Variants in MYO16 observed in about 807,000 individuals in gnomAD.
MYO16 encodes the protein myosin XVI, also known as unconventional myosin-XVI.
A neutral mutation model predicts 205.3 loss-of-function variants in MYO16; 94 were observed. The ratio of observed to expected loss-of-function variants is 0.46; its 90% confidence interval spans 0.39 to 0.54. The LOEUF (loss-of-function observed/expected upper bound fraction) is 0.54. MYO16 is among the 20% of genes least tolerant of loss of function. The probability of loss-of-function intolerance (pLI) is 0.00; values close to 1 mark genes in which losing one functional copy is unlikely to be tolerated. For missense variants in MYO16, 2,315 were observed against 2,387.5 expected, an observed-to-expected ratio of 0.97 and a Z score of 0.63; for synonymous variants, 988 against 954.0, an observed-to-expected ratio of 1.04 and a Z score of -0.66.
chr13:109,071,351 T>C (rs1887920559), intron 27 of MYO16, among the ~76,000 whole-genome samples: 1 of 152,176 alleles, frequency 6.6e-6, no homozygotes, highest in Non-Finnish European at 1.5e-5. Context: ...ACAATGAAAT[T>C]TGCAGAAGAA....
chr13:108,596,323 T>C (rs568729523), intron 1 of MYO16: 1 of 152,330 alleles, frequency 6.6e-6, no homozygotes, highest in African/African-American at 2.4e-5. Context: ...TTTCCACAAG[T>C]GAATTTCAGT....
chr13:108,497,790 G>T, the MYO16 span, among the ~76,000 whole-genome samples: 2 of 152,184 alleles, frequency 1.3e-5, no homozygotes, highest in African/African-American at 4.8e-5. Flanking sequence ...AGCCCCACCT[G>T]CTGCTGTGCT....
At chr13:108,596,048 T>C (rs1016915875), upstream of MYO16, 1 of 151,738 alleles carries the variant, frequency 6.6e-6, no homozygotes. Flanking sequence ...TGGAATGACT[T>C]TTTCTTTTTT....
At chr13:108,833,255 TA>T (rs5806759) in intron 9 of MYO16, among the ~76,000 whole-genome samples, 42 of 145,596 alleles carry the variant, frequency 2.9e-4, no homozygotes, top group Admixed American at 5.5e-4. Flanking sequence ...CTTTAAATTG[TA>T]AAAAAAAAAA....
At chr13:108,748,720 A>G (rs1212662624) in intron 4 of MYO16, among the ~76,000 whole-genome samples, 1 of 152,162 alleles carries the variant, frequency 6.6e-6, no homozygotes, top group Non-Finnish European at 1.5e-5. Flanking sequence ...AGCAATGCAA[A>G]AGAGAAAAAG....
At chr13:108,807,194 A>T (rs931277372) in intron 7 of MYO16, among the ~76,000 whole-genome samples, 2 of 152,230 alleles carry the variant, frequency 1.3e-5, no homozygotes, top group African/African-American at 4.8e-5. Context: ...GTTTTACACT[A>T]TATGGAGATT....
At chr13:108,601,771 T>A (rs867505432) in intron 1 of MYO16, among the ~76,000 whole-genome samples, 3 of 152,090 alleles carry the variant, frequency 2.0e-5, no homozygotes. Flanking sequence ...GGGTGAACAC[T>A]GCTGAGTGTT....
In MYO16 at chr13:108,695,576, A is replaced by G. The variant is rs540763548; in HGVS notation, c.293-17085A>G. Among the ~76,000 whole-genome samples the G allele has an allele frequency of 5.3e-5, 8 of 151,410 alleles. No individual in the cohort carries two copies. In the South Asian group the frequency reaches 1.5e-3, roughly 28 times the overall value. The stretch of plus-strand genomic sequence containing the variant: ...TCTGCAAAAAAAAAAAGTTTTGGGG[A>G]TTTCGATAGGGTGGATCATGGCTTT... On this transcript the variant is annotated intron_variant, in intron 2 of 34. Transcript: ENST00000457511.
At chr13:109,049,699 A>C (rs1887174852) in intron 24 of MYO16, among the ~76,000 whole-genome samples, 1 of 151,888 alleles carries the variant, frequency 6.6e-6, no homozygotes, top group Admixed American at 6.6e-5. Flanking sequence ...TTATACATAG[A>C]CCTGCTATAA....
chr13:108,617,953 ACCAAACAC>A (rs1428599666), intron 1 of MYO16, among the ~76,000 whole-genome samples: 5 of 151,918 alleles, frequency 3.3e-5, no homozygotes, highest in Non-Finnish European at 5.9e-5. Context: ...AGATGGCCTC[ACCAAACAC>A]CCAAGCACCT....
chr13:108,711,888 A>T, intron 2 of MYO16, among the ~76,000 whole-genome samples: 1 of 152,198 alleles, frequency 6.6e-6, no homozygotes, highest in East Asian at 1.9e-4. Context: ...GTATTTTATT[A>T]AAAGTATGAT....
chr13:108,894,643 G>A (rs1317770705), intron 14 of MYO16, among the ~76,000 whole-genome samples: 1 of 152,176 alleles, frequency 6.6e-6, no homozygotes, highest in Non-Finnish European at 1.5e-5. Context: ...CTTACGAGAA[G>A]TGACTGAAAT....
chr13:108,584,514 C>T, the MYO16 span, among the ~76,000 whole-genome samples: 1 of 141,316 alleles, frequency 7.1e-6, no homozygotes, highest in Admixed American at 7.2e-5. Flanking sequence ...TTGAAATATA[C>T]AATTTTTTTA....
chr13:108,619,713 T>C (rs1372586603), intron 1 of MYO16, among the ~76,000 whole-genome samples: 1 of 152,086 alleles, frequency 6.6e-6, no homozygotes, highest in Non-Finnish European at 1.5e-5. Flanking sequence ...AACACTTATT[T>C]TCTACTCATT....
rs926510609 is a variant in MYO16, at chr13:108,835,958, G to A, written c.1098-8385G>A. The stretch of plus-strand genomic sequence containing the variant: ...ATCTATTTCTTGGGGAAAAATTCAA[G>A]CCTCCTGCAGAAATTTGCATAAGTA... On this transcript the variant is annotated intron_variant, in intron 9 of 34. Transcript: ENST00000457511. Among the ~76,000 whole-genome samples, 5 of 152,280 alleles carry A rather than the reference G, an allele frequency of 3.3e-5. No homozygotes were observed. The East Asian group carries it at 9.7e-4, about 29-fold the overall frequency.
At chr13:108,998,212 A>G (rs1320928838) in intron 21 of MYO16, among the ~76,000 whole-genome samples, 1 of 152,238 alleles carries the variant, frequency 6.6e-6, no homozygotes, top group East Asian at 1.9e-4. Context: ...ATGCGTTATC[A>G]CATTTCACAG....
At chr13:109,084,460 T>G (rs953077615) in intron 27 of MYO16, among the ~76,000 whole-genome samples, 3 of 152,132 alleles carry the variant, frequency 2.0e-5, no homozygotes, top group Non-Finnish European at 4.4e-5. Flanking sequence ...AAGAAATGAA[T>G]GGCTATGAAA....
At chr13:108,586,710 A>G in the MYO16 span, among the ~76,000 whole-genome samples, 1 of 152,198 alleles carries the variant, frequency 6.6e-6, no homozygotes, top group African/African-American at 2.4e-5. Flanking sequence ...CAGGTAAGAG[A>G]TACTGGTTAT....
At chr13:109,151,250 T>C (rs979663887) in intron 32 of MYO16, among the ~76,000 whole-genome samples, 36 of 152,200 alleles carry the variant, frequency 2.4e-4, no homozygotes, top group African/African-American at 8.2e-4. Flanking sequence ...CCGTCCACCA[T>C]GTACTCTGTG....
Sources: allele counts gnomAD v4.1 joint callset (sites outside exome capture counted in the v4.1 genomes callset), GRCh38; gene constraint gnomAD v4.1.1; transcripts MANE v1.5; gene names NCBI Gene and HGNC (gene_info 2026-07-23, HGNC 2026-07-21).